PIK3CB: variants seen among roughly 807,000 people sequenced by gnomAD.
PIK3CB encodes phosphatidylinositol-4,5-bisphosphate 3-kinase catalytic subunit beta, also known as phosphatidylinositol 4,5-bisphosphate 3-kinase catalytic subunit beta isoform.
PIK3CB carries 39 observed loss-of-function variants against 136.8 expected under a neutral mutation model. The ratio of observed to expected loss-of-function variants is 0.29; its 90% CI spans 0.22 to 0.37. The LOEUF (loss-of-function observed/expected upper bound fraction) is 0.37, where lower values mean the gene tolerates loss of function less well. Among genes scored for constraint, PIK3CB ranks in the 10% least tolerant of loss-of-function variants. The probability of loss-of-function intolerance (pLI) is 1.00; values close to 1 mark genes in which losing one functional copy is unlikely to be tolerated. For missense variants in PIK3CB, 868 were observed against 1,275.4 expected, an observed-to-expected ratio of 0.68 and a Z score of 4.87; for synonymous variants, 428 against 436.6, an observed-to-expected ratio of 0.98 and a Z score of 0.25.
intron 19 of PIK3CB, among the ~76,000 whole-genome samples, chr3:138,681,216 T>C (rs183002636): frequency 2.0e-5 from 3 of 151,894 alleles, no homozygotes; most frequent in African/African-American, 4.8e-5. Context: ...TGGCTAACTT[T>C]TGTATTTTTA....
rs1053030529 is a variant in PIK3CB at position 138,664,970 on chromosome 3, T to C, written c.2672+66A>G. 2.8e-6 allele frequency: 3 copies of C among 1,072,144 alleles called. No individual in the cohort carries two copies. The African/African-American group carries it at 4.7e-5, about 17-fold the overall frequency. The allele number at this position is 1,072,144 out of a possible 1,614,324, so 66.4% of individuals were successfully genotyped here. The stretch of plus-strand genomic sequence containing the variant: ...CCTCTAACACACTGCTGACTTCTAT[T>C]GGGAGCATACAGTATTTGTTTGGCT... On this transcript the variant is annotated intron_variant, in intron 20 of 23. Transcript: ENST00000674063.
intron 8 of PIK3CB, among the ~76,000 whole-genome samples, chr3:138,719,709 C>A (rs60008410): frequency 0.035 from 5,299 of 152,138 alleles, 312 homozygotes; most frequent in African/African-American, 0.12. Context: ...AGAAACAGCC[C>A]CATCATCAAT....
chr3:138,798,577 G>C (rs2046135292), intron 1 of PIK3CB, among the ~76,000 whole-genome samples: 1 of 152,142 alleles, frequency 6.6e-6, no homozygotes, highest in African/African-American at 2.4e-5. Context: ...GGTGTGAATA[G>C]AAACAAGGTA....
chr3:138,717,542 A>T lies in PIK3CB; in HGVS notation c.1051-2823T>A, dbSNP rs76036015. 2.1e-4 allele frequency among the ~76,000 whole-genome samples: 31 copies of T among 144,272 alleles called. No individual in the cohort carries two copies. The East Asian group carries it at 6.2e-3, about 29-fold the overall frequency. 94.6% of individuals were successfully genotyped at this position (144,272 alleles called of 152,430 possible). A position where few individuals can be genotyped will look rare whatever the true frequency, so the allele number is the denominator to read the frequency against. ...TAGAAATTTTTTGTGGTTTTTTTTTAAACTTTCATTTTAGGTTTGGGGGTA... is the reference window on the plus strand; with the variant it reads ...TAGAAATTTTTTGTGGTTTTTTTTTTAACTTTCATTTTAGGTTTGGGGGTA... On this transcript the variant is annotated intron_variant, in intron 8 of 23. Transcript: ENST00000674063.
chr3:138,828,032 A>T (rs1362197307), intron 1 of PIK3CB, among the ~76,000 whole-genome samples: 1 of 151,858 alleles, frequency 6.6e-6, no homozygotes, highest in Non-Finnish European at 1.5e-5. Context: ...ATAGAATAAT[A>T]ACTCTAGGGT....
intron 5 of PIK3CB, among the ~76,000 whole-genome samples, chr3:138,739,188 G>A (rs762598242): frequency 6.6e-6 from 1 of 152,204 alleles, no homozygotes; most frequent in South Asian, 2.1e-4. Flanking sequence ...GCTTACATCT[G>A]TAATCCCAGC....
intron 1 of PIK3CB, among the ~76,000 whole-genome samples, chr3:138,808,866 A>G (rs1470065006): frequency 2.0e-5 from 3 of 151,944 alleles, no homozygotes; most frequent in Non-Finnish European, 2.9e-5. Flanking sequence ...TATATATTTA[A>G]AAGTATTTAT....
chr3:138,684,980 T>C, intron 16 of PIK3CB, 177 bp from the exon 17 acceptor site: 1 of 519,326 alleles, frequency 1.9e-6, no homozygotes, highest in Non-Finnish European at 3.4e-6. Context: ...TACAATAAAC[T>C]TATTTTTAAC....
intron 14 of PIK3CB, among the ~76,000 whole-genome samples, chr3:138,693,990 A>ATATT (rs2044081349): frequency 4.3e-5 from 5 of 115,468 alleles, no homozygotes; most frequent in Non-Finnish European, 8.7e-5. Context: ...ATATATATAT[A>ATATT]TATTTTAAAC....
intron 4 of PIK3CB, among the ~76,000 whole-genome samples, chr3:138,752,109 G>T (rs139679879): frequency 6.6e-6 from 1 of 151,930 alleles, no homozygotes; most frequent in Non-Finnish European, 1.5e-5. Flanking sequence ...CTCTGATTAC[G>T]ATTCTTTTAC....
At chr3:138,674,786 T>C (rs2043609903) in intron 19 of PIK3CB, among the ~76,000 whole-genome samples, 1 of 152,192 alleles carries the variant, frequency 6.6e-6, no homozygotes, top group South Asian at 2.1e-4. Flanking sequence ...TTGGGGGCGG[T>C]GGCTCACACC....
chr3:138,774,888 G>A (rs993315380), intron 2 of PIK3CB, among the ~76,000 whole-genome samples: 5 of 152,228 alleles, frequency 3.3e-5, no homozygotes, highest in African/African-American at 1.2e-4. Context: ...AATTAAAAGA[G>A]CATCCAATAA....
At chr3:138,745,228 T>C (rs554640950) in intron 4 of PIK3CB, among the ~76,000 whole-genome samples, 31 of 152,284 alleles carry the variant, frequency 2.0e-4, no homozygotes, top group African/African-American at 6.7e-4. Flanking sequence ...ATTAGAGATG[T>C]TGTGTTTGGG....
chr3:138,714,344 T>C, intron 9 of PIK3CB, 124 bp downstream of exon 9: 1 of 581,348 alleles, frequency 1.7e-6, no homozygotes, highest in South Asian at 3.1e-5. Flanking sequence ...CTTATCTTCT[T>C]AAAATCAGTT....
In PIK3CB at chr3:138,793,041, G is replaced by C. The variant is rs190860853; in HGVS notation, c.-17+3422C>G. ...TAGTGGTGAGGTTGGGATCCTGGGA[G>C]AAGAAAGCATTTAGGAAAAACATAG... is the stretch of plus-strand genomic sequence containing the variant. On this transcript the variant is annotated intron_variant, in intron 2 of 23. Transcript: ENST00000674063. 2.1e-4 allele frequency among the ~76,000 whole-genome samples: 32 copies of C among 152,272 alleles called. No homozygotes were observed. The East Asian group carries it at 5.6e-3, about 27-fold the overall frequency.
chr3:138,693,961 A>ATG (rs1395827937), intron 14 of PIK3CB, among the ~76,000 whole-genome samples: 1 of 35,496 alleles, frequency 2.8e-5, no homozygotes, highest in Non-Finnish European at 4.2e-5. Flanking sequence ...ATATATATAT[A>ATG]TATATTATAT....
chr3:138,705,181 C>A (rs12631204), intron 11 of PIK3CB, among the ~76,000 whole-genome samples: 16,380 of 53,594 alleles, frequency 0.31, 3,368 homozygotes, highest in East Asian at 0.81. Flanking sequence ...AAACAAAAAA[C>A]AAAACAAACA....
intron 2 of PIK3CB, among the ~76,000 whole-genome samples, chr3:138,787,920 GA>G (rs2045999625): frequency 7.8e-6 from 1 of 127,882 alleles, no homozygotes; most frequent in Non-Finnish European, 1.6e-5. Context: ...TTAACTAGAA[GA>G]CTTTTTTTTT....
chr3:138,737,877 T>A lies in PIK3CB; in HGVS notation c.631A>T (p.Ser211Cys), dbSNP rs773791563. ...TTCATATTAGGAGACACTTGAAAGC[T>A]AAACACGTCCTGAAGGGGGAGGGAG... The part of the protein sequence containing the change: ...VHFENCQDVF[S>C]FQVSPNMNPI... The change falls in exon 6 of 24, where the codon AGC becomes TGC. Residue 211 changes from serine to cysteine, a missense_variant. Ser to Cys is a moderately radical substitution (Grantham distance 112). This residue lies in a region of PIK3CB where 612 missense variants were observed against 801.1 expected (regional missense o/e 0.76). Transcript: ENST00000674063. 1.9e-6 allele frequency: 3 copies of A among 1,595,052 alleles called. No individual in the cohort carries two copies. Among genetic ancestry groups the A allele is most frequent in the Non-Finnish European group, 2.6e-6 (3 of 1,169,440 alleles).
Sources: allele counts gnomAD v4.1 joint callset (sites outside exome capture counted in the v4.1 genomes callset), GRCh38; gene constraint gnomAD v4.1.1; regional missense constraint gnomAD v4.1.1; transcripts MANE v1.5; gene names NCBI Gene and HGNC (gene_info 2026-07-23, HGNC 2026-07-21).